The following DNAJC11 variants were observed in gnomAD, a reference collection of about 807,000 sequenced individuals.
DNAJC11 encodes dnaJ homolog subfamily C member 11.
In DNAJC11, 15 loss-of-function variants were observed where a neutral mutation model predicts 78.6. That is an observed-to-expected ratio of 0.19 (90% CI 0.13 to 0.29). The LOEUF is 0.29. Ranked by LOEUF, DNAJC11 falls within the 10% of genes least tolerant of loss-of-function variation. DNAJC11 has a pLI of 1.00. For missense variants in DNAJC11, 547 were observed against 709.6 expected (o/e 0.77, Z 2.60); for synonymous variants, 292 against 272.1 (o/e 1.07, Z -0.72).
chr1:6,696,140 T>C (rs1642832405), intron 1 of DNAJC11, among the ~76,000 whole-genome samples: 1 of 152,244 alleles, frequency 6.6e-6, no homozygotes, highest in African/African-American at 2.4e-5. Flanking sequence ...CTTAATTCTA[T>C]GTGCCTGAGG....
chr1:6,639,624 G>A (rs539087366), intron 11 of DNAJC11, among the ~76,000 whole-genome samples: 51 of 152,256 alleles, frequency 3.3e-4, no homozygotes, highest in African/African-American at 1.1e-3. Flanking sequence ...GAGCCACCAC[G>A]CCCAGCCGAG....
At chr1:6,699,900 C>T (rs1022018745) in intron 1 of DNAJC11, among the ~76,000 whole-genome samples, 1 of 152,190 alleles carries the variant, frequency 6.6e-6, no homozygotes, top group Admixed American at 6.5e-5. Flanking sequence ...GTGGCCCATA[C>T]ATTCGAGGGA....
rs1394110841 is a variant in DNAJC11 at position 6,671,057 on chromosome 1, G to GCTCTCCTTCCAACAACGT, written c.277-3248_277-3247insACGTTGTTGGAAGGAGAG. 2.6e-5 allele frequency: 4 copies of GCTCTCCTTCCAACAACGT among 152,184 alleles called. No homozygotes were observed. The East Asian group carries it at 7.7e-4, about 29-fold the overall frequency. The allele number at this position is 152,184 out of a possible 1,614,324, so 9.4% of individuals were successfully genotyped here. On this transcript the variant is annotated intron_variant, in intron 3 of 15. Transcript: ENST00000377577. Reference sequence around the variant, plus strand: ...ACAGCCCAATTCAGTGGACCTGACTGTGGAGCCACAGTTTCTCTGGACTCA... The same window carrying GCTCTCCTTCCAACAACGT: ...ACAGCCCAATTCAGTGGACCTGACTGCTCTCCTTCCAACAACGTTGGAGCCACAGTTTCTCTGGACTCA...
intron 10 of DNAJC11, among the ~76,000 whole-genome samples, chr1:6,640,867 T>C (rs1003475799): frequency 2.6e-5 from 4 of 152,118 alleles, no homozygotes; most frequent in African/African-American, 9.7e-5. Flanking sequence ...AAGTTTAATA[T>C]ATTGGTAATT....
rs764663149 is a variant in DNAJC11, at chr1:6,637,294, C to T, written c.1428G>A (p.Lys476=). 7 of 1,614,232 alleles carry T rather than the reference C, an allele frequency of 4.3e-6. No homozygotes were observed. In the South Asian group the frequency reaches 6.6e-5, roughly 15 times the overall value. ...CCTTCACCTTCTCGCTCTTCCTGCT[C>T]TTGTCATTGACAAACTTCCCGTACC... is the stretch of plus-strand genomic sequence containing the variant. The part of the protein sequence containing the change: ...NAWYGKFVND[K]SRKSEKVKVI... The change falls in exon 14 of 16, where the codon AAG becomes AAA. Residue 476 remains lysine, a synonymous_variant. Transcript: ENST00000377577.
chr1:6,693,659 G>GGCAT (rs1642786841), intron 1 of DNAJC11, among the ~76,000 whole-genome samples: 1 of 151,830 alleles, frequency 6.6e-6, no homozygotes, highest in African/African-American at 2.4e-5. Flanking sequence ...TGGGATTACA[G>GGCAT]GCATGAGCCA....
In DNAJC11 at chr1:6,678,294, A is replaced by T. The variant is rs1642503554; in HGVS notation, c.276+100T>A. ...AGGAAGGGGGCTCTAATGGTTTCAA[A>T]TATTCCCAAAGACAATATTACAGAT... On this transcript the variant is annotated intron_variant, in intron 3 of 15. Transcript: ENST00000377577. 4 of 1,251,450 alleles carry T rather than the reference A, an allele frequency of 3.2e-6. 1 individual carries two copies. The highest frequency in any genetic ancestry group is 2.4e-5 in the South Asian group (2 of 83,344). 77.5% of individuals were successfully genotyped at this position (1,251,450 alleles called of 1,614,324 possible).
At chr1:6,692,375 C>T (rs959499549) in intron 1 of DNAJC11, among the ~76,000 whole-genome samples, 1 of 151,782 alleles carries the variant, frequency 6.6e-6, no homozygotes, top group Non-Finnish European at 1.5e-5. Flanking sequence ...GGGCCCACCC[C>T]TGCCCCCAGC....
chr1:6,668,427 C>T (rs1466535714), intron 3 of DNAJC11, among the ~76,000 whole-genome samples: 2 of 152,208 alleles, frequency 1.3e-5, no homozygotes, highest in Non-Finnish European at 1.5e-5. Flanking sequence ...GCTTGAGCCA[C>T]TGCGCCGGCC....
At position 6,641,390 on chromosome 1, in the gene DNAJC11, A is replaced by AT. The variant is rs1393226465; in HGVS notation, c.1098-1334_1098-1333insA. Reference sequence around the variant, plus strand: ...AAACTCCGTCTCCAAAAAAAAAAAAAATATATATATATATATACACACACA... The same window carrying AT: ...AAACTCCGTCTCCAAAAAAAAAAAAATATATATATATATATATACACACACA... On this transcript the variant is annotated intron_variant, in intron 10 of 15. Transcript: ENST00000377577. 8.7e-3 allele frequency among the ~76,000 whole-genome samples: 1,109 copies of AT among 127,072 alleles called. 8 individuals carry two copies. Among genetic ancestry groups the AT allele is most frequent in the African/African-American group, 0.012 (405 of 33,808 alleles). 83.4% of individuals were successfully genotyped at this position (127,072 alleles called of 152,430 possible).
At chr1:6,663,303 C>A (rs1459956239) in intron 4 of DNAJC11, among the ~76,000 whole-genome samples, 1 of 152,112 alleles carries the variant, frequency 6.6e-6, no homozygotes, top group Non-Finnish European at 1.5e-5. Context: ...CCCCACACCC[C>A]CAAACAAACC....
Position 6,653,083 on chromosome 1 carries a change from T to A in DNAJC11, c.508-132A>T, listed in dbSNP as rs1642079764. On this transcript the variant is annotated intron_variant, in intron 5 of 15. Coordinates refer to ENST00000377577, the MANE Select transcript of DNAJC11 (RefSeq NM_018198.4). This position sits in a 1 kb window ranked among gnomAD's most constrained non-coding sequence, Gnocchi z 4.5. ...TCCTCTGTTCAGAAGCACACATGGA[T>A]GCAGAACTGCCGCAACAGCTTCACT... 1 of 1,031,692 alleles carries A rather than the reference T, an allele frequency of 9.7e-7. No individual in the cohort carries two copies. Among genetic ancestry groups the A allele is most frequent in the African/African-American group, 1.6e-5 (1 of 62,530 alleles). 63.9% of individuals were successfully genotyped at this position (1,031,692 alleles called of 1,614,324 possible). A position where few individuals can be genotyped will look rare whatever the true frequency, so the allele number is the denominator to read the frequency against.
chr1:6,654,132 A>G (rs1642094821), intron 4 of DNAJC11, 93 bp from the exon 5 acceptor site: 5 of 1,505,600 alleles, frequency 3.3e-6, no homozygotes, highest in African/African-American at 1.4e-5. Flanking sequence ...CTTTAATTGA[A>G]CAAGTCATTT....
rs1157282396 is a variant in DNAJC11, at chr1:6,657,811, AT to A, written c.379-3773del. ...AGGCGCCTGCCACCACGCCCGGCTA[AT>A]TTTTTTGTATTTTTAGTAGAGACGG... On this transcript the variant is annotated intron_variant, in intron 4 of 15. Coordinates refer to ENST00000377577, the MANE Select transcript of DNAJC11 (RefSeq NM_018198.4). 4.0e-5 allele frequency among the ~76,000 whole-genome samples: 6 copies of A among 151,894 alleles called. 1 individual carries two copies. The highest frequency in any genetic ancestry group is 1.9e-4 in the East Asian group (1 of 5,164).
chr1:6,652,909 G>C lies in DNAJC11; in HGVS notation c.550C>G (p.Leu184Val). 1 of 1,614,180 alleles carries C rather than the reference G, an allele frequency of 6.2e-7. No individual in the cohort carries two copies. The highest frequency in any genetic ancestry group is 8.5e-7 in the Non-Finnish European group (1 of 1,180,036). The change falls in exon 6 of 16, where the codon CTC becomes GTC. Residue 184 changes from leucine to valine, a missense_variant. Leu to Val is a conservative substitution (Grantham distance 32). Coordinates refer to ENST00000377577, the MANE Select transcript of DNAJC11 (RefSeq NM_018198.4). Reference protein sequence around the residue: ...ATDTAILSGSLSTQNGNGGGS... With the variant: ...ATDTAILSGSVSTQNGNGGGS... The stretch of plus-strand genomic sequence containing the variant: ...CCTCCATTTCCATTCTGGGTTGAGA[G>C]GCTTCCAGAGAGGATGGCTGTGTCT...
In DNAJC11 at chr1:6,634,184, GT is replaced by G; in HGVS notation, c.*1490del. The G allele has an allele frequency of 8.3e-7, 1 of 1,200,810 alleles. No homozygotes were observed. The highest frequency in any genetic ancestry group is 1.2e-6 in the Non-Finnish European group (1 of 828,114). 74.4% of individuals were successfully genotyped at this position (1,200,810 alleles called of 1,614,324 possible). ...GCGCCAGCCTCTGCTTTCAGGAAAG[GT>G]TTATTGTGGTGAGTGCCTTCTGTAC... is the stretch of plus-strand genomic sequence containing the variant. On this transcript the variant is annotated 3_prime_UTR_variant, in exon 16 of 16. Transcript: ENST00000377577.
chr1:6,667,682 C>T lies in DNAJC11; in HGVS notation c.378+27G>A, dbSNP rs748667085. The T allele has an allele frequency of 1.0e-5, 16 of 1,594,212 alleles. No individual in the cohort carries two copies. In the East Asian group the frequency reaches 3.6e-4, roughly 36 times the overall value. On this transcript the variant is annotated intron_variant, in intron 4 of 15. Transcript: ENST00000377577. The stretch of plus-strand genomic sequence containing the variant: ...GTTATGAGGCCTTTTCATGAAGTGT[C>T]CTCATGAAACGTGGCCCCTGGCTTA...
intron 4 of DNAJC11, among the ~76,000 whole-genome samples, chr1:6,666,110 A>G (rs1175314785): frequency 6.6e-6 from 1 of 152,152 alleles, no homozygotes; most frequent in African/African-American, 2.4e-5. Flanking sequence ...AGGTGTTACC[A>G]TTTTCAAATA....
intron 7 of DNAJC11, among the ~76,000 whole-genome samples, chr1:6,649,238 C>T (rs544484759): frequency 2.6e-5 from 4 of 151,728 alleles, no homozygotes; most frequent in South Asian, 2.1e-4. Context: ...GGCGCGATCT[C>T]GGCTCACTGC....
Sources: gnomAD v4.1 joint callset for allele counts (sites outside exome capture counted in the v4.1 genomes callset) on GRCh38, gnomAD v4.1.1 for gene constraint, Gnocchi (gnomAD v3.1) non-coding constraint, MANE v1.5 for transcripts, NCBI Gene and HGNC (gene_info 2026-07-23, HGNC 2026-07-21) for gene names.